Variants in NRXN3 observed in about 807,000 individuals in gnomAD.
NRXN3 encodes the protein neurexin 3, also known as neurexin III.
Under a neutral mutation model 137.6 loss-of-function variants are expected in NRXN3, and 32 were observed. That is an observed-to-expected ratio of 0.23 (90% CI 0.18 to 0.31). The LOEUF is 0.31. Among genes scored for constraint, NRXN3 ranks in the 10% least tolerant of loss-of-function variants. The probability of loss-of-function intolerance (pLI) is 1.00; values close to 1 mark genes in which losing one functional copy is unlikely to be tolerated. For synonymous variants in NRXN3, 798 were observed against 784.5 expected (o/e 1.02, Z -0.29); for missense variants, 1,574 against 2,062.5 (o/e 0.76, Z 4.59).
intron 16 of NRXN3, among the ~76,000 whole-genome samples, chr14:79,662,146 C>A (rs2098537412): frequency 6.6e-6 from 1 of 152,130 alleles, no homozygotes; most frequent in Non-Finnish European, 1.5e-5. Flanking sequence ...GTCAATTAAA[C>A]CTCTTTTGTT....
chr14:79,767,126 A>G (rs2099058615), intron 19 of NRXN3, among the ~76,000 whole-genome samples: 1 of 152,210 alleles, frequency 6.6e-6, no homozygotes, highest in Non-Finnish European at 1.5e-5. Context: ...TGGAGAAGAC[A>G]AAATCCTTAA....
intron 4 of NRXN3, among the ~76,000 whole-genome samples, chr14:78,640,698 C>G (rs973360798): frequency 6.6e-6 from 1 of 152,118 alleles, no homozygotes; most frequent in Non-Finnish European, 1.5e-5. Flanking sequence ...ATATCTTATA[C>G]AAACTGATTT....
intron 17 of NRXN3, among the ~76,000 whole-genome samples, chr14:79,672,181 A>T (rs1013899279): frequency 1.3e-5 from 2 of 152,008 alleles, no homozygotes; most frequent in African/African-American, 2.4e-5. Flanking sequence ...GCACATTTAC[A>T]TTTTCCCCAT....
chr14:78,916,768 A>C (rs1236640920), intron 10 of NRXN3, among the ~76,000 whole-genome samples: 1 of 152,184 alleles, frequency 6.6e-6, no homozygotes, highest in Non-Finnish European at 1.5e-5. Context: ...TGACTTAAAC[A>C]ATAGAAATTT....
intron 15 of NRXN3, among the ~76,000 whole-genome samples, chr14:79,363,330 G>A (rs2093755621): frequency 6.6e-6 from 1 of 152,198 alleles, no homozygotes; most frequent in Non-Finnish European, 1.5e-5. Flanking sequence ...ATTTCCTAGA[G>A]CAGTGTGGCT....
chr14:79,352,497 G>C (rs958991126), intron 15 of NRXN3, among the ~76,000 whole-genome samples: 2 of 152,210 alleles, frequency 1.3e-5, no homozygotes, highest in Admixed American at 6.5e-5. Context: ...GATAATGTGT[G>C]TGGAAGCATT....
chr14:79,456,745 G>A (rs1010617366), intron 15 of NRXN3, among the ~76,000 whole-genome samples: 1 of 150,328 alleles, frequency 6.7e-6, no homozygotes, highest in Non-Finnish European at 1.5e-5. Flanking sequence ...AAGGAGAAGA[G>A]AGGAGAGGAG....
chr14:78,476,447 C>G (rs911685900), intron 4 of NRXN3, among the ~76,000 whole-genome samples: 1 of 152,154 alleles, frequency 6.6e-6, no homozygotes, highest in Non-Finnish European at 1.5e-5. Context: ...GGTGAAGGCC[C>G]TGGACCCAGC....
chr14:78,501,245 T>A (rs1214179040), intron 4 of NRXN3, among the ~76,000 whole-genome samples: 1 of 152,174 alleles, frequency 6.6e-6, no homozygotes, highest in East Asian at 1.9e-4. Context: ...CAGAAGGTTA[T>A]CATTGAGGTG....
chr14:78,441,644 C>T (rs1019368805), intron 4 of NRXN3, among the ~76,000 whole-genome samples: 1 of 151,908 alleles, frequency 6.6e-6, no homozygotes, highest in Admixed American at 6.6e-5. Flanking sequence ...TGGTGGTTCC[C>T]CCAAAAGATA....
intron 4 of NRXN3, among the ~76,000 whole-genome samples, chr14:78,624,961 C>A (rs2097442414): frequency 6.6e-6 from 1 of 152,158 alleles, no homozygotes; most frequent in South Asian, 2.1e-4. Flanking sequence ...CTTGCCTCAG[C>A]CTCCTGAGTA....
chr14:79,395,994 A>C (rs2095012454), intron 15 of NRXN3, among the ~76,000 whole-genome samples: 1 of 152,198 alleles, frequency 6.6e-6, no homozygotes, highest in Admixed American at 6.5e-5. Flanking sequence ...ATGTACAAAT[A>C]AATTTGCACA....
chr14:79,437,212 G>T (rs1479385461), intron 15 of NRXN3, among the ~76,000 whole-genome samples: 1 of 151,764 alleles, frequency 6.6e-6, no homozygotes, highest in Non-Finnish European at 1.5e-5. Context: ...TTCCCTTCAT[G>T]GTGTTTTATA....
chr14:78,267,538 A>T (rs1312741534), intron 2 of NRXN3, among the ~76,000 whole-genome samples: 3 of 151,416 alleles, frequency 2.0e-5, no homozygotes, highest in African/African-American at 7.3e-5. Flanking sequence ...ACCAAAAGAT[A>T]AAAAAAAATG....
intron 14 of NRXN3, among the ~76,000 whole-genome samples, chr14:78,977,235 T>A (rs1281230742): frequency 6.6e-6 from 1 of 152,208 alleles, no homozygotes; most frequent in Non-Finnish European, 1.5e-5. Flanking sequence ...AGTACATAGA[T>A]GACCAGAGAG....
chr14:78,649,461 A>T (rs946852595), intron 5 of NRXN3, among the ~76,000 whole-genome samples: 1 of 149,122 alleles, frequency 6.7e-6, no homozygotes, highest in African/African-American at 2.5e-5. Flanking sequence ...TTCTTAAAAA[A>T]AAAATGGAAG....
chr14:78,832,971 C>T (rs1015641585), intron 10 of NRXN3, among the ~76,000 whole-genome samples: 35 of 152,136 alleles, frequency 2.3e-4, no homozygotes, highest in African/African-American at 7.0e-4. Context: ...CTAAGTTTCA[C>T]GCATAAAACA....
At chr14:78,387,444 T>C (rs2090137416) in intron 4 of NRXN3, among the ~76,000 whole-genome samples, 1 of 152,176 alleles carries the variant, frequency 6.6e-6, no homozygotes, top group South Asian at 2.1e-4. Context: ...CTTGAAATCT[T>C]GTTTTTCTCC....
chr14:79,056,975 C>A (rs906657966), intron 15 of NRXN3, among the ~76,000 whole-genome samples: 1 of 152,194 alleles, frequency 6.6e-6, no homozygotes, highest in African/African-American at 2.4e-5. Context: ...CACAGCATGT[C>A]CTTGATCTAA....
Sources: allele counts gnomAD v4.1 joint callset (sites outside exome capture counted in the v4.1 genomes callset), GRCh38; gene constraint gnomAD v4.1.1; transcripts MANE v1.5; gene names NCBI Gene and HGNC (gene_info 2026-07-23, HGNC 2026-07-21).